The following ADGRD2 variants were observed in gnomAD, a reference collection of about 807,000 sequenced individuals.
ADGRD2 encodes adhesion G protein-coupled receptor D2.
ADGRD2 carries 71 observed loss-of-function variants against 44.4 expected under a neutral mutation model. The observed-to-expected ratio is 1.60, with a 90% confidence interval of 1.32 to 1.95. The LOEUF (loss-of-function observed/expected upper bound fraction) is 1.95, where lower values mean the gene tolerates loss of function less well. Among genes scored for constraint, ADGRD2 ranks in the 30% most tolerant of loss-of-function variants. ADGRD2 has a pLI of 0.00. For missense variants in ADGRD2, 1,039 were observed against 512.4 expected, an observed-to-expected ratio of 2.03 and a Z score of -9.92; for synonymous variants, 481 against 224.8, an observed-to-expected ratio of 2.14 and a Z score of -10.19.
chr9:124,452,359 G>C (rs192366067), intron 1 of ADGRD2, 151 bp from the exon 5 acceptor site: 58 of 651,354 alleles, frequency 8.9e-5, no homozygotes, highest in Non-Finnish European at 1.3e-4. Context: ...AGCTCTGCAA[G>C]AGGACAGGAC....
In ADGRD2 at chr9:124,454,423, G is replaced by A. The variant is rs754684847; in HGVS notation, c.1023-61G>A. ...CGTGGTGGGTGGAGGTCACTGAACA[G>A]GCTGGCATCTCTGGGCAGGGGTATT... On this transcript the variant is annotated intron_variant, in intron 4 of 21. Transcript: ENST00000334810. The surrounding 1 kb of genome is among the most constrained non-coding windows in gnomAD (Gnocchi z 4.5). The A allele has an allele frequency of 1.5e-6, 1 of 686,638 alleles. No homozygotes were observed. Among genetic ancestry groups the A allele is most frequent in the Non-Finnish European group, 2.8e-6 (1 of 363,526 alleles). 42.5% of individuals were successfully genotyped at this position (686,638 alleles called of 1,614,324 possible).
At chr9:124,475,216 G>C (rs1277792901) in intron 17 of ADGRD2, among the ~76,000 whole-genome samples, 5 of 152,254 alleles carry the variant, frequency 3.3e-5, no homozygotes, top group African/African-American at 1.2e-4. Flanking sequence ...GCTGAAGGCT[G>C]GGGTTGCACT....
At chr9:124,474,575 C>G (rs1444813388) in intron 17 of ADGRD2, among the ~76,000 whole-genome samples, 1 of 152,148 alleles carries the variant, frequency 6.6e-6, no homozygotes, top group Non-Finnish European at 1.5e-5. Flanking sequence ...TGGACTCCAG[C>G]TTTCAGCCCT....
intron 16 of ADGRD2, among the ~76,000 whole-genome samples, chr9:124,469,759 A>G (rs1831909996): frequency 6.6e-6 from 1 of 152,218 alleles, no homozygotes; most frequent in African/African-American, 2.4e-5. Flanking sequence ...GTCAACATGC[A>G]CCCATGCGTG....
chr9:124,460,278 C>A (rs1831703314), intron 10 of ADGRD2, among the ~76,000 whole-genome samples: 1 of 150,840 alleles, frequency 6.6e-6, no homozygotes, highest in South Asian at 2.1e-4. Context: ...TCTCAGCTCA[C>A]TGCAACCTCC....
rs375962767 is a variant in ADGRD2, at chr9:124,462,933, CTT to C, written c.1871-3323_1871-3322del. Among the ~76,000 whole-genome samples the C allele has an allele frequency of 2.0e-3, 301 of 148,494 alleles. 1 individual carries two copies. The highest frequency in any genetic ancestry group is 2.8e-3 in the East Asian group (14 of 5,040). ...TTCCTTCCTGACTTTCTCTCTCTCT[CTT>C]TCTCTCTCTCTCCTTCCTTCCTTCA... On this transcript the variant is annotated intron_variant, in intron 10 of 21. Coordinates refer to ENST00000334810, the Ensembl canonical transcript of ADGRD2.
chr9:124,452,491 T>C lies in ADGRD2; in HGVS notation c.69-19T>C, dbSNP rs1169406308. The C allele has an allele frequency of 2.8e-6, 2 of 718,396 alleles. No homozygotes were observed. Among genetic ancestry groups the C allele is most frequent in the Admixed American group, 2.0e-5 (1 of 50,022 alleles). The allele number at this position is 718,396 out of a possible 1,614,324, so 44.5% of individuals were successfully genotyped here. ...TGCCCACAAAATGCACCCCCCACCGTCTCTCTTATCGTTTTTAGCCCCCGT... is the reference window on the plus strand; with the variant it reads ...TGCCCACAAAATGCACCCCCCACCGCCTCTCTTATCGTTTTTAGCCCCCGT... On this transcript the variant is annotated intron_variant, in intron 1 of 21. Transcript: ENST00000334810.
Position 124,456,611 on chromosome 9 carries a change from C to T in ADGRD2, c.1394-11C>T, listed in dbSNP as rs1007088967. ...AGTGTGACAGAGAGCTGAGATGCAG[C>T]GTCCTCCCAGGTGATTGGTGGGCCT... On this transcript the variant is annotated splice_polypyrimidine_tract_variant and intron_variant, in intron 6 of 21. Transcript: ENST00000334810. 7.0e-6 allele frequency: 5 copies of T among 717,904 alleles called. No individual in the cohort carries two copies. The highest frequency in any genetic ancestry group is 1.7e-5 in the African/African-American group (1 of 57,238). 44.5% of individuals were successfully genotyped at this position (717,904 alleles called of 1,614,324 possible). A position where few individuals can be genotyped will look rare whatever the true frequency, so the allele number is the denominator to read the frequency against.
chr9:124,470,588 G>A (rs376234772), exon 17 of ADGRD2: 18 of 707,856 alleles, frequency 2.5e-5, no homozygotes, highest in Non-Finnish European at 4.4e-5. Flanking sequence ...CTGGGCCTAC[G>A]CTGCCGTGGG....
Position 124,475,491 on chromosome 9 carries a change from A to G in ADGRD2, c.2800+4A>G, listed in dbSNP as rs1476110155. The G allele has an allele frequency of 1.4e-6, 1 of 714,136 alleles. No homozygotes were observed. The highest frequency in any genetic ancestry group is 2.7e-5 in the East Asian group (1 of 37,084). The allele number at this position is 714,136 out of a possible 1,614,324, so 44.2% of individuals were successfully genotyped here. On this transcript the variant is annotated splice_donor_region_variant and intron_variant, in intron 18 of 21. Transcript: ENST00000334810. Reference sequence around the variant, plus strand: ...TTATGCTGCCTGCAATGAGGAGGTGAGTCTGGGGGTGCCGGCTGCAGGGAG... The same window carrying G: ...TTATGCTGCCTGCAATGAGGAGGTGGGTCTGGGGGTGCCGGCTGCAGGGAG...
At chr9:124,457,751 T>C (rs574478489) in intron 8 of ADGRD2, 145 bp downstream of exon 11, 1 of 555,086 alleles carries the variant, frequency 1.8e-6, no homozygotes, top group South Asian at 2.7e-5. Flanking sequence ...GCCTTGTGGC[T>C]TATGAGGTTA....
At chr9:124,475,402 G>A in intron 17 of ADGRD2, 44 bp from the exon 21 acceptor site, 2 of 704,340 alleles carry the variant, frequency 2.8e-6, no homozygotes, top group Non-Finnish European at 5.3e-6. Context: ...TGGGGGATGG[G>A]GTAGGAGGCT....
chr9:124,469,469 C>T (rs986145892), exon 16 of ADGRD2: 7 of 718,024 alleles, frequency 9.7e-6, no homozygotes, highest in African/African-American at 8.7e-5. Flanking sequence ...GTAATGATCA[C>T]CGTGTCCAGT....
chr9:124,451,997 G>GCCGGGGGGGGCCCCCCCCCCCCCC, upstream of ADGRD2: 1 of 360,938 alleles, frequency 2.8e-6, no homozygotes, highest in East Asian at 9.0e-5. Context: ...TCCACTGAAT[G>GCCGGGGGGGGCCCCCCCCCCCCCC]CCCCCCTCCC....
At position 124,454,157 on chromosome 9, in the gene ADGRD2, G is replaced by T; in HGVS notation, c.1022+60G>T. On this transcript the variant is annotated intron_variant, in intron 4 of 21. Coordinates refer to ENST00000334810, the Ensembl canonical transcript of ADGRD2. This position sits in a 1 kb window ranked among gnomAD's most constrained non-coding sequence, Gnocchi z 4.5. ...GGGAAAGCCGGTGTGGACCGGAGTA[G>T]ACTGAGAGGGGGTGAGCTGCTGGCA... 1 of 619,542 alleles carries T rather than the reference G, an allele frequency of 1.6e-6. No individual in the cohort carries two copies. Among genetic ancestry groups the T allele is most frequent in the South Asian group, 1.9e-5 (1 of 52,432 alleles). The allele number at this position is 619,542 out of a possible 1,614,324, so 38.4% of individuals were successfully genotyped here.
intron 10 of ADGRD2, among the ~76,000 whole-genome samples, chr9:124,461,817 G>A (rs937064111): frequency 2.0e-5 from 3 of 151,154 alleles, no homozygotes; most frequent in Non-Finnish European, 2.9e-5. Context: ...GTACGATCTC[G>A]GCTCACTGCA....
intron 19 of ADGRD2, 55 bp from the exon 23 acceptor site, chr9:124,476,302 G>C (rs1218377669): frequency 1.5e-6 from 1 of 667,960 alleles, no homozygotes; most frequent in Non-Finnish European, 2.8e-6. Flanking sequence ...GGATGGGGGA[G>C]CAGAGAGAGG....
At chr9:124,476,268 T>A (rs1832047189) in intron 19 of ADGRD2, 89 bp from the exon 23 acceptor site, 2 of 627,624 alleles carry the variant, frequency 3.2e-6, no homozygotes, top group Non-Finnish European at 5.8e-6. Flanking sequence ...CTTAGCGTAT[T>A]TGATCCTGAG....
intron 11 of ADGRD2, chr9:124,466,681 G>C: frequency 3.8e-6 from 1 of 261,974 alleles, no homozygotes; most frequent in Non-Finnish European, 7.2e-6. Context: ...GTGGTGGCTC[G>C]TGCCTATAGT....
Sources: allele counts gnomAD v4.1 joint callset (sites outside exome capture counted in the v4.1 genomes callset), GRCh38; gene constraint gnomAD v4.1.1; non-coding constraint Gnocchi (gnomAD v3.1); transcripts MANE v1.5; gene names NCBI Gene and HGNC (gene_info 2026-07-23, HGNC 2026-07-21).